PTPRO: variants seen among roughly 807,000 people sequenced by gnomAD.
PTPRO encodes the protein protein tyrosine phosphatase receptor type O, also known as receptor-type tyrosine-protein phosphatase O.
Under a neutral mutation model 145.2 loss-of-function variants are expected in PTPRO, and 62 were observed. That is an observed-to-expected ratio of 0.43 (90% CI 0.35 to 0.53). The LOEUF is 0.53. Among genes scored for constraint, PTPRO ranks in the 20% least tolerant of loss-of-function variants. The probability of loss-of-function intolerance (pLI) is 0.01; values close to 1 mark genes in which losing one functional copy is unlikely to be tolerated. For missense variants in PTPRO, 1,345 were observed against 1,482.7 expected, an observed-to-expected ratio of 0.91 and a Z score of 1.53; for synonymous variants, 565 against 514.7, an observed-to-expected ratio of 1.10 and a Z score of -1.32.
chr12:15,343,167 C>T (rs1269735763), intron 1 of PTPRO, among the ~76,000 whole-genome samples: 3 of 151,998 alleles, frequency 2.0e-5, no homozygotes, highest in South Asian at 2.1e-4. Flanking sequence ...TTTTTAAAGC[C>T]TGTGTTAAAT....
intron 12 of PTPRO, among the ~76,000 whole-genome samples, chr12:15,532,433 G>T (rs2136541093): frequency 6.6e-6 from 1 of 152,208 alleles, no homozygotes; most frequent in South Asian, 2.1e-4. Flanking sequence ...GTGGGATGTG[G>T]GACATGGGAC....
intron 1 of PTPRO, among the ~76,000 whole-genome samples, chr12:15,343,676 G>A (rs1466363806): frequency 1.3e-5 from 2 of 152,096 alleles, no homozygotes; most frequent in Admixed American, 1.3e-4. Flanking sequence ...GAAACAGCAA[G>A]ACCCTGTCTC....
At chr12:15,411,224 A>G (rs1472052330) in intron 1 of PTPRO, among the ~76,000 whole-genome samples, 1 of 152,150 alleles carries the variant, frequency 6.6e-6, no homozygotes, top group African/African-American at 2.4e-5. Context: ...ACTGCTCTCT[A>G]AATTGTTCTA....
chr12:15,496,134 C>CTTTTTTTTTTTTTTTTTTTTTTTTTTTTT (rs1349321752), intron 2 of PTPRO, among the ~76,000 whole-genome samples: 1 of 93,136 alleles, frequency 1.1e-5, no homozygotes, highest in Non-Finnish European at 2.2e-5. Flanking sequence ...TTTTTCTTTT[C>CTTTTTTTTTTTTTTTTTTTTTTTTTTTTT]TTTTTTTGTT....
At chr12:15,346,456 T>G (rs1867215539) in intron 1 of PTPRO, 1 of 152,250 alleles carries the variant, frequency 6.6e-6, no homozygotes, top group Non-Finnish European at 1.5e-5. Context: ...TTCTCCCACA[T>G]GCAGAGCTGC....
chr12:15,581,615 G>A lies in PTPRO; in HGVS notation c.3133-64G>A. ...AGGCGAATACCTTTGTTTTCCCTAA[G>A]TGAGCACACTTAATTCCTTTCCTAG... is the stretch of plus-strand genomic sequence containing the variant. On this transcript the variant is annotated intron_variant, in intron 22 of 26. Coordinates refer to ENST00000281171, the MANE Select transcript of PTPRO (RefSeq NM_030667.3). 4 of 1,573,962 alleles carry A rather than the reference G, an allele frequency of 2.5e-6. No individual in the cohort carries two copies. The South Asian group carries it at 3.3e-5, about 13-fold the overall frequency.
chr12:15,498,867 A>G (rs1293837941), intron 3 of PTPRO, among the ~76,000 whole-genome samples: 1 of 152,130 alleles, frequency 6.6e-6, no homozygotes, highest in Non-Finnish European at 1.5e-5. Context: ...AATAAGTGGT[A>G]CTTTTAGTTT....
chr12:15,594,001 G>T (rs753867042), intron 25 of PTPRO, among the ~76,000 whole-genome samples: 2 of 152,048 alleles, frequency 1.3e-5, no homozygotes, highest in Non-Finnish European at 2.9e-5. Flanking sequence ...AACTTCCAGG[G>T]AATATTTGGC....
chr12:15,488,750 A>C (rs1941941498), intron 2 of PTPRO, among the ~76,000 whole-genome samples: 1 of 152,184 alleles, frequency 6.6e-6, no homozygotes, highest in African/African-American at 2.4e-5. Context: ...GCAAAGAATA[A>C]ATTTGGCACA....
In PTPRO at chr12:15,580,070, G is replaced by C; in HGVS notation, c.2952G>C (p.Met984Ile). Residue 984 changes from methionine to isoleucine, a missense_variant, in exon 21 of 27, where the codon ATG becomes ATC. Transcript: ENST00000281171. Reference protein sequence around the residue: ...YDFSRVRLVSMNEEEGADYIN... With the variant: ...YDFSRVRLVSINEEEGADYIN... The stretch of plus-strand genomic sequence containing the variant: ...TCAGCCGTGTGAGATTAGTCTCCAT[G>C]AATGAAGAGGAAGGTGCAGACTACA... 1 of 1,613,024 alleles carries C rather than the reference G, an allele frequency of 6.2e-7. No homozygotes were observed. Among genetic ancestry groups the C allele is most frequent in the African/African-American group, 1.3e-5 (1 of 74,984 alleles).
At chr12:15,594,342 A>G (rs1944613058) in intron 25 of PTPRO, among the ~76,000 whole-genome samples, 1 of 151,784 alleles carries the variant, frequency 6.6e-6, no homozygotes, top group Non-Finnish European at 1.5e-5. Flanking sequence ...TGATAATGGG[A>G]TATCCTTTTT....
chr12:15,358,818 A>G (rs1319489382), intron 1 of PTPRO, among the ~76,000 whole-genome samples: 1 of 152,256 alleles, frequency 6.6e-6, no homozygotes, highest in Non-Finnish European at 1.5e-5. Context: ...TCCCAGGCCA[A>G]CATCGAAAGT....
At chr12:15,367,566 T>G (rs1306621129) in intron 1 of PTPRO, among the ~76,000 whole-genome samples, 1 of 152,180 alleles carries the variant, frequency 6.6e-6, no homozygotes, top group Non-Finnish European at 1.5e-5. Context: ...GAACTCCAGA[T>G]TCACATATAC....
Position 15,516,863 on chromosome 12 carries a change from G to C in PTPRO, c.1686G>C (p.Val562=). 6.2e-7 allele frequency: 1 copy of C among 1,612,894 alleles called. No individual in the cohort carries two copies. Among genetic ancestry groups the C allele is most frequent in the Non-Finnish European group, 8.5e-7 (1 of 1,178,880 alleles). ...ATTTAGGCGTGTTCAGAAAATACGT[G>C]GTTGAAATGTTTTATTTCAACCCTG... ...RPYLGVFRKY[V]VEMFYFNPAT... Residue 562 remains valine (V), a synonymous_variant, in exon 9 of 27, where the codon GTG becomes GTC. Transcript: ENST00000281171.
chr12:15,591,969 A>G (rs1944563079), intron 25 of PTPRO, among the ~76,000 whole-genome samples: 1 of 152,188 alleles, frequency 6.6e-6, no homozygotes, highest in Non-Finnish European at 1.5e-5. Context: ...GTTCAAAGTC[A>G]GCAAAGGGGG....
chr12:15,593,400 A>T (rs1040205186), intron 25 of PTPRO, among the ~76,000 whole-genome samples: 1 of 152,214 alleles, frequency 6.6e-6, no homozygotes, highest in Non-Finnish European at 1.5e-5. Flanking sequence ...AAGGAGGAAC[A>T]CTGTGAAATT....
At chr12:15,563,018 A>G (rs902750582) in intron 17 of PTPRO, among the ~76,000 whole-genome samples, 1 of 152,068 alleles carries the variant, frequency 6.6e-6, no homozygotes, top group African/African-American at 2.4e-5. Flanking sequence ...TCTTGTTTTA[A>G]CTATTATAAA....
intron 1 of PTPRO, among the ~76,000 whole-genome samples, chr12:15,434,970 C>T (rs1457264149): frequency 6.6e-6 from 1 of 152,216 alleles, no homozygotes; most frequent in Non-Finnish European, 1.5e-5. Context: ...GAAGCATTAG[C>T]ATCTCTGCTG....
chr12:15,516,505 G>A (rs1464196598), intron 8 of PTPRO, among the ~76,000 whole-genome samples: 2 of 95,286 alleles, frequency 2.1e-5, no homozygotes, highest in African/African-American at 7.2e-5. Context: ...AGAAAGAAAA[G>A]AAAGAAAGAA....
Sources: allele counts gnomAD v4.1 joint callset (sites outside exome capture counted in the v4.1 genomes callset), GRCh38; gene constraint gnomAD v4.1.1; transcripts MANE v1.5; gene names NCBI Gene and HGNC (gene_info 2026-07-23, HGNC 2026-07-21).